CFAP61: variants seen among roughly 807,000 people sequenced by gnomAD.
CFAP61 encodes cilia- and flagella-associated protein 61.
A neutral mutation model predicts 135.6 loss-of-function variants in CFAP61; 107 were observed. The ratio of observed to expected loss-of-function variants is 0.79; its 90% CI spans 0.67 to 0.93. CFAP61 has a LOEUF of 0.93. CFAP61 is among the 40% of genes least tolerant of loss of function. The probability of loss-of-function intolerance (pLI) is 0.00; values close to 1 mark genes in which losing one functional copy is unlikely to be tolerated. For missense variants in CFAP61, 1,507 were observed against 1,556.2 expected (o/e 0.97, Z 0.53); for synonymous variants, 575 against 578.5 (o/e 0.99, Z 0.09).
At chr20:20,129,096 C>G (rs924683282) in intron 8 of CFAP61, among the ~76,000 whole-genome samples, 4 of 151,700 alleles carry the variant, frequency 2.6e-5, no homozygotes, top group Admixed American at 2.6e-4. Flanking sequence ...ATAGATTGCA[C>G]TCCCCAAGGA....
intron 22 of CFAP61, among the ~76,000 whole-genome samples, chr20:20,282,636 G>A (rs1376433214): frequency 2.0e-5 from 3 of 152,196 alleles, no homozygotes; most frequent in East Asian, 3.9e-4. Flanking sequence ...TGTGATCAGA[G>A]AACAGTGTTT....
intron 16 of CFAP61, among the ~76,000 whole-genome samples, chr20:20,197,107 C>T (rs2056344027): frequency 6.6e-6 from 1 of 152,176 alleles, no homozygotes; most frequent in African/African-American, 2.4e-5. Flanking sequence ...ACAATGCCAA[C>T]ATGATCCTAT....
intron 17 of CFAP61, among the ~76,000 whole-genome samples, chr20:20,211,450 A>T (rs1437501835): frequency 6.6e-6 from 1 of 152,242 alleles, no homozygotes; most frequent in African/African-American, 2.4e-5. Context: ...TGATGTCATG[A>T]TCTCCATAGT....
At chr20:20,248,049 G>T (rs1327885844) in intron 19 of CFAP61, among the ~76,000 whole-genome samples, 1 of 152,058 alleles carries the variant, frequency 6.6e-6, no homozygotes, top group Non-Finnish European at 1.5e-5. Flanking sequence ...GGAAATTTTT[G>T]CCTTTTTATT....
chr20:20,141,320 A>C (rs978214965), intron 8 of CFAP61, among the ~76,000 whole-genome samples: 1 of 152,222 alleles, frequency 6.6e-6, no homozygotes, highest in Non-Finnish European at 1.5e-5. Flanking sequence ...TCTCAACAAC[A>C]AGGTCAATAA....
chr20:20,083,812 C>T (rs1055061267), intron 6 of CFAP61, among the ~76,000 whole-genome samples: 2 of 152,110 alleles, frequency 1.3e-5, no homozygotes, highest in Non-Finnish European at 2.9e-5. Context: ...CCAGGATGGA[C>T]GTTTAGATCA....
intron 26 of CFAP61, among the ~76,000 whole-genome samples, chr20:20,348,788 T>A (rs1400046620): frequency 2.9e-5 from 3 of 103,748 alleles, no homozygotes; most frequent in Non-Finnish European, 4.2e-5. Context: ...ATTCTTATGG[T>A]AAAAACACTA....
rs201244947 is a variant in CFAP61 at position 20,164,247 on chromosome 20, G to C, written c.1205+19G>C. On this transcript the variant is annotated intron_variant, in intron 11 of 26. Transcript: ENST00000245957. ...AAGCAAGGCAAGTACTGACCTTCTG[G>C]CTGGCTGTCACAGTGAGAATCTTTT... 5 of 1,589,392 alleles carry C rather than the reference G, an allele frequency of 3.1e-6. No individual in the cohort carries two copies. The highest frequency in any genetic ancestry group is 1.3e-5 in the African/African-American group (1 of 74,116).
At chr20:20,283,785 C>T (rs191087092) in intron 22 of CFAP61, among the ~76,000 whole-genome samples, 3 of 152,254 alleles carry the variant, frequency 2.0e-5, no homozygotes, top group Admixed American at 2.0e-4. Context: ...ATTCATATTT[C>T]TTGCCTCATG....
rs771002260 is a variant in CFAP61, at chr20:20,277,127, T to A, written c.2504-39T>A. 37 of 1,520,708 alleles carry A rather than the reference T, an allele frequency of 2.4e-5. No individual in the cohort carries two copies. In the East Asian group the frequency reaches 8.4e-4, roughly 35 times the overall value. The allele number at this position is 1,520,708 out of a possible 1,614,324, so 94.2% of individuals were successfully genotyped here. A position where few individuals can be genotyped will look rare whatever the true frequency, so the allele number is the denominator to read the frequency against. On this transcript the variant is annotated intron_variant, in intron 21 of 26. Coordinates refer to ENST00000245957, the MANE Select transcript of CFAP61 (RefSeq NM_015585.4). ...GCATTTGACTAAGGTTTTTTGGTTT[T>A]CTGAACTGTATATCTTAGCGTTTTC...
chr20:20,131,814 GGTATGTAACTAATGTAT>G (rs998180171), intron 8 of CFAP61, among the ~76,000 whole-genome samples: 1 of 151,128 alleles, frequency 6.6e-6, no homozygotes, highest in African/African-American at 2.4e-5. Context: ...CACAAGTTTT[GGTATGTAACTAATGTAT>G]GTATTATCAA....
chr20:20,257,377 G>A (rs981119460), intron 20 of CFAP61, among the ~76,000 whole-genome samples: 1 of 152,202 alleles, frequency 6.6e-6, no homozygotes, highest in Non-Finnish European at 1.5e-5. Flanking sequence ...CATTTTGGGA[G>A]GCCAAGGCAG....
In CFAP61 at chr20:20,246,118, T is replaced by C; in HGVS notation, c.2062T>C (p.Ser688Pro). 3 of 1,591,798 alleles carry C rather than the reference T, an allele frequency of 1.9e-6. No homozygotes were observed. The highest frequency in any genetic ancestry group is 2.6e-6 in the Non-Finnish European group (3 of 1,163,772). Residue 688 changes from serine (S) to proline (P), a missense_variant and splice_region_variant, in exon 19 of 27, where the codon TCT becomes CCT. By Grantham distance (74) the Ser-to-Pro change is moderately conservative. Transcript: ENST00000245957. ...TTTTTCATTTTTCTTTTTCTTTAGC[T>C]CTCACATGAAGTTTAATAATCTTAC... ...ISFLETLVFC[S>P]HMKFNNLTLI...
intron 7 of CFAP61, among the ~76,000 whole-genome samples, chr20:20,093,651 T>C (rs2047365368): frequency 6.6e-6 from 1 of 152,004 alleles, no homozygotes; most frequent in African/African-American, 2.4e-5. Context: ...ACCAGGCTGG[T>C]CTCAAACTCT....
At chr20:20,141,376 C>T (rs982113712) in intron 8 of CFAP61, among the ~76,000 whole-genome samples, 10 of 152,138 alleles carry the variant, frequency 6.6e-5, no homozygotes, top group African/African-American at 2.4e-4. Context: ...TGCTAGAAAC[C>T]CCAGATAGTC....
intron 22 of CFAP61, among the ~76,000 whole-genome samples, chr20:20,280,763 G>A (rs1439157148): frequency 2.0e-5 from 3 of 152,104 alleles, no homozygotes; most frequent in African/African-American, 7.2e-5. Context: ...TCATATGGTA[G>A]GTGAATGTTG....
intron 12 of CFAP61, among the ~76,000 whole-genome samples, chr20:20,168,931 C>T (rs2054024080): frequency 6.6e-6 from 1 of 152,208 alleles, no homozygotes; most frequent in African/African-American, 2.4e-5. Context: ...GAAGGGACCA[C>T]TGGTGTAAGG....
At chr20:20,303,566 C>T (rs1299853562) in intron 25 of CFAP61, among the ~76,000 whole-genome samples, 2 of 152,082 alleles carry the variant, frequency 1.3e-5, no homozygotes, top group Non-Finnish European at 2.9e-5. Flanking sequence ...CGAAATGCTG[C>T]CAGGTCCTAG....
chr20:20,307,637 T>C (rs2056557844), intron 25 of CFAP61, among the ~76,000 whole-genome samples: 1 of 152,212 alleles, frequency 6.6e-6, no homozygotes. Context: ...ATTGCATTCG[T>C]GTATGTGCTT....
Sources: gnomAD v4.1 joint callset for allele counts (sites outside exome capture counted in the v4.1 genomes callset) on GRCh38, gnomAD v4.1.1 for gene constraint, MANE v1.5 for transcripts, NCBI Gene and HGNC (gene_info 2026-07-23, HGNC 2026-07-21) for gene names.